CIB2: variants seen among roughly 807,000 people sequenced by gnomAD.
The protein encoded by CIB2 is calcium and integrin binding family member 2.
CIB2 carries 19 observed loss-of-function variants against 23.1 expected under a neutral mutation model. The ratio of observed to expected loss-of-function variants is 0.82; its 90% CI spans 0.57 to 1.21. The LOEUF (loss-of-function observed/expected upper bound fraction) is 1.21. Ranked by LOEUF, CIB2 falls within the 50% of genes most tolerant of loss-of-function variation. CIB2 has a pLI of 0.00. For synonymous variants in CIB2, 94 were observed against 91.7 expected (o/e 1.03, Z -0.14); for missense variants, 220 against 241.5 (o/e 0.91, Z 0.59).
chr15:78,129,614 T>C (rs1188991951), intron 1 of CIB2, among the ~76,000 whole-genome samples: 2 of 152,164 alleles, frequency 1.3e-5, no homozygotes, highest in Non-Finnish European at 2.9e-5. Flanking sequence ...CACTGCCCAC[T>C]AGTGCCCTTC....
intron 5 of CIB2, 64 bp downstream of exon 5, chr15:78,105,675 A>G (rs1456873024): frequency 6.2e-7 from 1 of 1,609,356 alleles, no homozygotes; most frequent in African/African-American, 1.3e-5. Context: ...TAGGGGCCTC[A>G]GCCCCAACAT....
chr15:78,120,875 T>C (rs1467907564), intron 2 of CIB2, among the ~76,000 whole-genome samples: 2 of 152,096 alleles, frequency 1.3e-5, no homozygotes, highest in African/African-American at 4.8e-5. Context: ...TGAAAGGCCC[T>C]TGGGAGCAGG....
chr15:78,130,860 G>C (rs374551910), intron 1 of CIB2, among the ~76,000 whole-genome samples: 2 of 152,170 alleles, frequency 1.3e-5, no homozygotes, highest in African/African-American at 2.4e-5. Context: ...CTCCCTCTCC[G>C]GGCCAGATGG....
At chr15:78,120,634 C>T in intron 2 of CIB2, 7 of 982,746 alleles carry the variant, frequency 7.1e-6, no homozygotes, top group Non-Finnish European at 8.4e-6. Context: ...AATGCAGGAG[C>T]TGTGTCCTGG....
chr15:78,116,038 AT>A (rs1192211351), intron 2 of CIB2, among the ~76,000 whole-genome samples: 6 of 152,058 alleles, frequency 3.9e-5, no homozygotes, highest in East Asian at 3.9e-4. Context: ...ACATGTATAG[AT>A]TTTTTTTCTT....
intron 3 of CIB2, 54 bp from the exon 4 acceptor site, chr15:78,109,436 C>A (rs773316705): frequency 7.5e-6 from 12 of 1,608,478 alleles, no homozygotes; most frequent in Non-Finnish European, 1.0e-5. Flanking sequence ...CAGGAGGGCC[C>A]CGGAGCCAGA....
chr15:78,117,283 T>C (rs4886557), intron 2 of CIB2, among the ~76,000 whole-genome samples: 58,303 of 129,738 alleles, frequency 0.45, 14,140 homozygotes, highest in East Asian at 0.68. Context: ...AAAGTTTGTT[T>C]AAAAGAATAA....
chr15:78,113,738 G>A (rs550769318), intron 2 of CIB2, among the ~76,000 whole-genome samples: 24 of 152,216 alleles, frequency 1.6e-4, no homozygotes, highest in Admixed American at 1.6e-3. Flanking sequence ...CACCGTGTTA[G>A]CCAGGATGGT....
At position 78,131,125 on chromosome 15, in the gene CIB2, C is replaced by T; in HGVS notation, c.51+40G>A. On this transcript the variant is annotated intron_variant, in intron 1 of 5. Transcript: ENST00000258930. This position sits in a 1 kb window ranked among gnomAD's most constrained non-coding sequence, Gnocchi z 5.8. ...CCGAGAAAAGGGAGGGGCGGCGGGG[C>T]GGCGGGGCCTGTGTTGGGGGCCGGG... The T allele has an allele frequency of 2.7e-6, 4 of 1,455,010 alleles. No individual in the cohort carries two copies. Among genetic ancestry groups the T allele is most frequent in the Non-Finnish European group, 2.8e-6 (3 of 1,087,958 alleles). The allele number at this position is 1,455,010 out of a possible 1,614,324, so 90.1% of individuals were successfully genotyped here.
chr15:78,118,062 G>T (rs150197914), intron 2 of CIB2, among the ~76,000 whole-genome samples: 55 of 152,276 alleles, frequency 3.6e-4, no homozygotes, highest in African/African-American at 1.3e-3. Flanking sequence ...TCCATTAAAT[G>T]CAGCCATTTA....
chr15:78,112,831 C>T (rs2074180868), intron 2 of CIB2, among the ~76,000 whole-genome samples: 1 of 152,206 alleles, frequency 6.6e-6, no homozygotes, highest in Non-Finnish European at 1.5e-5. Context: ...GCCACCCAAC[C>T]TTCCTTGGGT....
chr15:78,105,540 G>T, intron 5 of CIB2, 199 bp downstream of exon 5: 1 of 1,478,626 alleles, frequency 6.8e-7, no homozygotes. Flanking sequence ...TCACTGAAGG[G>T]GCCCCCAGGT....
intron 2 of CIB2, among the ~76,000 whole-genome samples, chr15:78,119,741 T>G (rs1336151118): frequency 1.3e-5 from 2 of 151,814 alleles, no homozygotes; most frequent in African/African-American, 4.8e-5. Flanking sequence ...CCCAGCTAAT[T>G]TTTGTATTTT....
intron 2 of CIB2, among the ~76,000 whole-genome samples, chr15:78,115,350 A>G (rs1227622504): frequency 6.6e-6 from 1 of 150,706 alleles, no homozygotes; most frequent in Non-Finnish European, 1.5e-5. Flanking sequence ...CTCTGCCTCC[A>G]GGGTTCAAGT....
At chr15:78,109,192 T>TGCGCG in intron 4 of CIB2, 43 bp downstream of exon 4, 1 of 1,241,546 alleles carries the variant, frequency 8.1e-7, no homozygotes, top group Non-Finnish European at 1.1e-6. Flanking sequence ...CCCCACATGT[T>TGCGCG]CCCCCACCGC....
intron 5 of CIB2, 161 bp from the exon 6 acceptor site, chr15:78,105,493 A>G (rs2074052898): frequency 1.3e-6 from 2 of 1,509,218 alleles, no homozygotes; most frequent in Non-Finnish European, 1.8e-6. Flanking sequence ...GGGAAGACGG[A>G]GGAACAGCGG....
Position 78,111,221 on chromosome 15 carries a change from T to A in CIB2, c.142A>T (p.Lys48Ter), listed in dbSNP as rs1390163098. 1 of 1,614,138 alleles carries A rather than the reference T, an allele frequency of 6.2e-7. No individual in the cohort carries two copies. The highest frequency in any genetic ancestry group is 1.6e-4 in the Middle Eastern group (1 of 6,062). ...ATGGGCACGTGGACGATGGGGCTCT[T>A]CCTGTAGTCCATTGGGACGAGGTTG... is the stretch of plus-strand genomic sequence containing the variant. ...APNLVPMDYR[K>*]SPIVHVPMSL... Residue 48 changes from lysine to a stop codon, truncating the protein, a stop_gained, in exon 3 of 6, where the codon AAG becomes TAG. Transcript: ENST00000258930. LOFTEE classifies it high-confidence loss of function.
At chr15:78,109,587 T>G (rs2074125066) in intron 3 of CIB2, 1 of 619,892 alleles carries the variant, frequency 1.6e-6, no homozygotes, top group Admixed American at 2.6e-5. Flanking sequence ...TGTAAGGTGT[T>G]GGTACCAGGC....
At chr15:78,109,201 G>GCATATT in intron 4 of CIB2, 34 bp downstream of exon 4, 4 of 1,156,408 alleles carry the variant, frequency 3.5e-6, no homozygotes, top group Non-Finnish European at 4.6e-6. Flanking sequence ...TTCCCCCACC[G>GCATATT]CATATTCAGG....
Sources: gnomAD v4.1 joint callset for allele counts (sites outside exome capture counted in the v4.1 genomes callset) on GRCh38, gnomAD v4.1.1 for gene constraint, Gnocchi (gnomAD v3.1) non-coding constraint, MANE v1.5 for transcripts, NCBI Gene and HGNC (gene_info 2026-07-23, HGNC 2026-07-21) for gene names.